Variants in GRIP1 observed in about 807,000 individuals in gnomAD.
GRIP1 encodes glutamate receptor-interacting protein 1.
Under a neutral mutation model 129.9 loss-of-function variants are expected in GRIP1, and 45 were observed. That is an observed-to-expected ratio of 0.35 (90% CI 0.27 to 0.44). The LOEUF is 0.44. Among genes scored for constraint, GRIP1 ranks in the 20% least tolerant of loss-of-function variants. The probability of loss-of-function intolerance (pLI) is 1.00; values close to 1 mark genes in which losing one functional copy is unlikely to be tolerated. For missense variants in GRIP1, 1,196 were observed against 1,396.8 expected (o/e 0.86, Z 2.29); for synonymous variants, 530 against 520.8 (o/e 1.02, Z -0.24).
At chr12:66,588,985 A>AAAATT (rs1555212897) in intron 2 of GRIP1, among the ~76,000 whole-genome samples, 5 of 86,858 alleles carry the variant, frequency 5.8e-5, no homozygotes, top group South Asian at 6.6e-4. Flanking sequence ...ACAAAAAAAA[A>AAAATT]AATTAAATAA....
At chr12:66,701,140 C>T (rs1592756301) in intron 1 of GRIP1, among the ~76,000 whole-genome samples, 2 of 152,092 alleles carry the variant, frequency 1.3e-5, no homozygotes, top group African/African-American at 4.8e-5. Context: ...CAAACCCTCC[C>T]TTTTCTACAC....
intron 1 of GRIP1, among the ~76,000 whole-genome samples, chr12:66,755,311 C>G (rs560722654): frequency 2.0e-5 from 3 of 152,264 alleles, no homozygotes; most frequent in African/African-American, 7.2e-5. Context: ...AACTAGGACT[C>G]ACTTTATTTT....
intron 7 of GRIP1, among the ~76,000 whole-genome samples, chr12:66,488,443 T>C (rs972317070): frequency 1.3e-5 from 2 of 152,020 alleles, no homozygotes; most frequent in African/African-American, 2.4e-5. Context: ...AAAGAGACAA[T>C]ATACCAGAAT....
At chr12:66,470,674 G>C (rs2059414272) in intron 7 of GRIP1, among the ~76,000 whole-genome samples, 1 of 152,188 alleles carries the variant, frequency 6.6e-6, no homozygotes, top group Non-Finnish European at 1.5e-5. Context: ...CCATGGGGTA[G>C]AGTATGCTGT....
intron 1 of GRIP1, among the ~76,000 whole-genome samples, chr12:66,653,519 G>A (rs900033320): frequency 3.9e-5 from 6 of 152,284 alleles, no homozygotes; most frequent in Admixed American, 3.3e-4. Flanking sequence ...AGAAGCTTTA[G>A]CACAGTATTG....
chr12:66,391,467 A>G (rs1259270599), intron 19 of GRIP1, among the ~76,000 whole-genome samples: 2 of 152,246 alleles, frequency 1.3e-5, no homozygotes, highest in African/African-American at 4.8e-5. Flanking sequence ...AGGCTTTTTA[A>G]TGTAGATAGT....
chr12:66,410,167 G>A (rs1265783647), intron 15 of GRIP1, among the ~76,000 whole-genome samples: 2 of 133,462 alleles, frequency 1.5e-5, no homozygotes, highest in Non-Finnish European at 3.2e-5. Flanking sequence ...GGAGAATGGC[G>A]TGAACCCGGG....
intron 2 of GRIP1, among the ~76,000 whole-genome samples, chr12:66,560,207 A>C (rs1250909594): frequency 6.6e-6 from 1 of 152,186 alleles, no homozygotes; most frequent in Non-Finnish European, 1.5e-5. Flanking sequence ...ACCTCAAATT[A>C]TGAAAGTACA....
At chr12:66,363,514 G>A (rs951242593) in intron 23 of GRIP1, among the ~76,000 whole-genome samples, 6 of 150,986 alleles carry the variant, frequency 4.0e-5, no homozygotes, top group African/African-American at 1.5e-4. Flanking sequence ...GCCTCCTAAA[G>A]TATTGAGATT....
intron 1 of GRIP1, among the ~76,000 whole-genome samples, chr12:66,823,010 A>G (rs7310045): frequency 0.063 from 9,608 of 152,244 alleles, 1,029 homozygotes; most frequent in African/African-American, 0.22. Context: ...TAGATTAACT[A>G]AAATAAAGCC....
At chr12:66,399,474 A>G (rs1449167807) in intron 16 of GRIP1, among the ~76,000 whole-genome samples, 1 of 151,976 alleles carries the variant, frequency 6.6e-6, no homozygotes, top group Non-Finnish European at 1.5e-5. Flanking sequence ...TAGAATCACT[A>G]GTAAGTTTCA....
chr12:66,842,839 A>AGGG (rs1432095769), intron 1 of GRIP1, among the ~76,000 whole-genome samples: 1 of 152,126 alleles, frequency 6.6e-6, no homozygotes, highest in Non-Finnish European at 1.5e-5. Flanking sequence ...TCCATGTGTA[A>AGGG]GGTGTGTCTC....
chr12:66,714,355 T>C (rs1462541150), intron 1 of GRIP1, among the ~76,000 whole-genome samples: 1 of 152,070 alleles, frequency 6.6e-6, no homozygotes, highest in African/African-American at 2.4e-5. Flanking sequence ...CACAAAAGAC[T>C]ATAAGAGTTA....
chr12:66,957,575 G>C (rs2041861186), intron 1 of GRIP1, among the ~76,000 whole-genome samples: 2 of 151,980 alleles, frequency 1.3e-5, no homozygotes, highest in South Asian at 2.1e-4. Flanking sequence ...AAGTTTTGAG[G>C]GTTACAGGTC....
chr12:66,951,308 G>A (rs2041752993), intron 1 of GRIP1, among the ~76,000 whole-genome samples: 1 of 152,170 alleles, frequency 6.6e-6, no homozygotes, highest in Non-Finnish European at 1.5e-5. Flanking sequence ...ACTTAAGGAT[G>A]AGAAGTAGTT....
chr12:66,810,867 T>C (rs112215145), intron 1 of GRIP1, among the ~76,000 whole-genome samples: 1 of 152,230 alleles, frequency 6.6e-6, no homozygotes, highest in African/African-American at 2.4e-5. Flanking sequence ...TAAACAGTGA[T>C]AATATACCCT....
At chr12:66,506,028 G>GA in intron 7 of GRIP1, among the ~76,000 whole-genome samples, 1 of 152,210 alleles carries the variant, frequency 6.6e-6, no homozygotes, top group Non-Finnish European at 1.5e-5. Context: ...TGGTTAAAAT[G>GA]AAAAAGACTG....
chr12:66,550,653 G>A (rs1353660479), intron 2 of GRIP1, among the ~76,000 whole-genome samples: 1 of 152,176 alleles, frequency 6.6e-6, no homozygotes, highest in Non-Finnish European at 1.5e-5. Context: ...GACAATCAAA[G>A]AACAATTTAC....
chr12:66,931,297 G>A (rs916878584), intron 1 of GRIP1, among the ~76,000 whole-genome samples: 4 of 152,112 alleles, frequency 2.6e-5, no homozygotes, highest in Non-Finnish European at 5.9e-5. Context: ...TACTGCAGAG[G>A]GACAACCATC....
Sources: gnomAD v4.1 joint callset for allele counts (sites outside exome capture counted in the v4.1 genomes callset) on GRCh38, gnomAD v4.1.1 for gene constraint, MANE v1.5 for transcripts, NCBI Gene and HGNC (gene_info 2026-07-23, HGNC 2026-07-21) for gene names.